Variants in APBB1 observed in about 807,000 individuals in gnomAD.
APBB1 encodes amyloid beta precursor protein binding family B member 1.
A neutral mutation model predicts 78.4 loss-of-function variants in APBB1; 22 were observed. The observed-to-expected ratio is 0.28, with a 90% CI of 0.20 to 0.40. The LOEUF (loss-of-function observed/expected upper bound fraction) is 0.40. APBB1 is among the 10% of genes least tolerant of loss of function. The pLI, the probability that APBB1 is intolerant of heterozygous loss-of-function variation, is 1.00. For synonymous variants in APBB1, 369 were observed against 372.7 expected (o/e 0.99, Z 0.12); for missense variants, 749 against 932.4 (o/e 0.80, Z 2.56).
Position 6,410,795 on chromosome 11 carries a change from T to A in APBB1, c.553A>T (p.Ser185Cys). The A allele has an allele frequency of 6.2e-7, 1 of 1,610,976 alleles. No individual in the cohort carries two copies. Among genetic ancestry groups the A allele is most frequent in the Middle Eastern group, 1.7e-4 (1 of 6,036 alleles). ...TGGGGCCTGGGAGGGGCCTCCACAC[T>A]CTCCAGGGGCTCAGGCAGCCCTGGG... ...SPPGLPEPLESVEAPPRPQAL... is the reference protein window; with the variant it reads ...SPPGLPEPLECVEAPPRPQAL... The change falls in exon 2 of 15, where the codon AGT (serine) becomes TGT (cysteine). Residue 185 changes from serine to cysteine, a missense_variant. Coordinates refer to ENST00000609360, the MANE Select transcript of APBB1 (RefSeq NM_001164.5).
At chr11:6,417,548 A>C (rs565375848) in intron 1 of APBB1, among the ~76,000 whole-genome samples, 1 of 152,352 alleles carries the variant, frequency 6.6e-6, no homozygotes, top group South Asian at 2.1e-4. Flanking sequence ...TTGCATGAAT[A>C]AGTGATTGGA....
rs762422380 is a variant in APBB1 at position 6,410,854 on chromosome 11, T to G, written c.494A>C (p.Asp165Ala). ...TAAGTCCTCCTCCTCCTCTTCATCATCATCATCCTCCTCCTCCTCCTCGGC... is the reference window on the plus strand; with the variant it reads ...TAAGTCCTCCTCCTCCTCTTCATCAGCATCATCCTCCTCCTCCTCCTCGGC... ...GEAEEEEEDD[D>A]DEEEEEDLSS... Residue 165 changes from aspartate (D) to alanine (A), a missense_variant, in exon 2 of 15, where the codon GAT becomes GCT. Physicochemically the swap from Asp to Ala is moderately radical, Grantham distance 126. Transcript: ENST00000609360. 5.0e-6 allele frequency: 8 copies of G among 1,613,838 alleles called. No homozygotes were observed. Among genetic ancestry groups the G allele is most frequent in the Non-Finnish European group, 3.4e-6 (4 of 1,179,938 alleles).
At chr11:6,404,040 G>T in intron 2 of APBB1, 1 of 463,470 alleles carries the variant, frequency 2.2e-6, no homozygotes, top group Non-Finnish European at 3.7e-6. Context: ...GGGCCCTGTT[G>T]GTGGCTAATG....
chr11:6,412,860 C>T (rs778047451), intron 1 of APBB1, among the ~76,000 whole-genome samples: 1 of 152,134 alleles, frequency 6.6e-6, no homozygotes, highest in Non-Finnish European at 1.5e-5. Context: ...AAACAAACTC[C>T]ACCTGCCTCT....
chr11:6,411,863 C>G lies in APBB1; in HGVS notation c.-14-502G>C, dbSNP rs1460879542. ...CATAAATCACTCAGCTCAACCAGCC[C>G]CCAAGCCCACCCCATACTAGGGACT... is the stretch of plus-strand genomic sequence containing the variant. On this transcript the variant is annotated intron_variant, in intron 1 of 14. Coordinates refer to ENST00000609360, the MANE Select transcript of APBB1 (RefSeq NM_001164.5). This position sits in a 1 kb window ranked among gnomAD's most constrained non-coding sequence, Gnocchi z 5.2. Among the ~76,000 whole-genome samples the G allele has an allele frequency of 6.6e-6, 1 of 152,224 alleles. No individual in the cohort carries two copies. Among genetic ancestry groups the G allele is most frequent in the African/African-American group, 2.4e-5 (1 of 41,450 alleles).
chr11:6,413,140 T>C (rs956344797), intron 1 of APBB1, among the ~76,000 whole-genome samples: 1 of 151,762 alleles, frequency 6.6e-6, no homozygotes, highest in African/African-American at 2.4e-5. Context: ...CAGTTATTTC[T>C]CCCTGACCAA....
Position 6,403,028 on chromosome 11 carries a change from G to A in APBB1, c.1104+117C>T, listed in dbSNP as rs544796071. On this transcript the variant is annotated intron_variant, in intron 6 of 14. Coordinates refer to ENST00000609360, the MANE Select transcript of APBB1 (RefSeq NM_001164.5). This position sits in a 1 kb window ranked among gnomAD's most constrained non-coding sequence, Gnocchi z 5.3. ...ACAGGGCTCTGTGCTGAGACTGGAA[G>A]AACTCCTAACTCAGGACCTGGGGAA... is the stretch of plus-strand genomic sequence containing the variant. The A allele has an allele frequency of 1.1e-5, 11 of 1,025,772 alleles. No homozygotes were observed. In the African/African-American group the frequency reaches 1.5e-4, roughly 14 times the overall value. 63.5% of individuals were successfully genotyped at this position (1,025,772 alleles called of 1,614,324 possible). A position where few individuals can be genotyped will look rare whatever the true frequency, so the allele number is the denominator to read the frequency against.
chr11:6,403,235 C>T lies in APBB1; in HGVS notation c.1041-27G>A. 1 of 1,611,398 alleles carries T rather than the reference C, an allele frequency of 6.2e-7. No individual in the cohort carries two copies. The highest frequency in any genetic ancestry group is 1.1e-5 in the South Asian group (1 of 90,594). On this transcript the variant is annotated intron_variant, in intron 5 of 14. Coordinates refer to ENST00000609360, the MANE Select transcript of APBB1 (RefSeq NM_001164.5). The surrounding 1 kb of genome is among the most constrained non-coding windows in gnomAD (Gnocchi z 5.3). ...TGAAGGCAGATGGTAATACTTGGCA[C>T]AGGGCTCCCATAAATGGAGCTGTCC...
chr11:6,397,254 C>T (rs1590757419), intron 12 of APBB1, among the ~76,000 whole-genome samples: 4 of 152,362 alleles, frequency 2.6e-5, no homozygotes, highest in Admixed American at 2.0e-4. Flanking sequence ...GAGCAGACCA[C>T]GTGGACTCTT....
In APBB1 at chr11:6,401,513, C is replaced by A. The variant is rs1225071518; in HGVS notation, c.1503+61G>T. On this transcript the variant is annotated intron_variant, in intron 10 of 14. Coordinates refer to ENST00000609360, the MANE Select transcript of APBB1 (RefSeq NM_001164.5). The surrounding 1 kb of genome is among the most constrained non-coding windows in gnomAD (Gnocchi z 4.5). ...GGGCCCCCCTACAGCACTCAGTGAC[C>A]CCACCCACACCCTTGTAGAGCAAAG... 2 of 1,613,456 alleles carry A rather than the reference C, an allele frequency of 1.2e-6. No homozygotes were observed.
At chr11:6,405,310 G>T in intron 2 of APBB1, 1 of 988,440 alleles carries the variant, frequency 1.0e-6, no homozygotes, top group Non-Finnish European at 1.2e-6. Flanking sequence ...GAACCCAAGG[G>T]TGGGCTTTGA....
intron 7 of APBB1, 58 bp from the exon 8 acceptor site, chr11:6,402,267 T>C: frequency 3.1e-6 from 5 of 1,596,332 alleles, no homozygotes; most frequent in Non-Finnish European, 4.3e-6. Context: ...GGCTGATCTC[T>C]GACCCCTGCA....
At chr11:6,417,827 T>C (rs1254199357) in intron 1 of APBB1, among the ~76,000 whole-genome samples, 1 of 152,254 alleles carries the variant, frequency 6.6e-6, no homozygotes, top group East Asian at 1.9e-4. Context: ...GAGCCATTTT[T>C]GAGATTCGAA....
Position 6,402,738 on chromosome 11 carries a change from G to A in APBB1, c.1105-13C>T. 1 of 1,614,092 alleles carries A rather than the reference G, an allele frequency of 6.2e-7. No individual in the cohort carries two copies. The highest frequency in any genetic ancestry group is 1.1e-5 in the South Asian group (1 of 91,084). On this transcript the variant is annotated splice_polypyrimidine_tract_variant and intron_variant, in intron 6 of 14. Transcript: ENST00000609360. ...GCACGGCGAAACACTGCCAGACACA[G>A]AAGAGGGGCAGGAGGTAGAGGATCT...
chr11:6,417,611 G>A (rs1849152801), intron 1 of APBB1, among the ~76,000 whole-genome samples: 1 of 152,210 alleles, frequency 6.6e-6, no homozygotes, highest in South Asian at 2.1e-4. Flanking sequence ...GTTAAAGGGA[G>A]GTAGGCAAGA....
chr11:6,400,939 G>C, intron 12 of APBB1, 50 bp downstream of exon 12: 1 of 1,550,170 alleles, frequency 6.5e-7, no homozygotes, highest in African/African-American at 1.4e-5. Context: ...GGTAGGGGCA[G>C]AGTTTTAGGA....
chr11:6,403,642 C>A lies in APBB1; in HGVS notation c.897+5G>T. The A allele has an allele frequency of 6.2e-7, 1 of 1,610,240 alleles. No homozygotes were observed. Among genetic ancestry groups the A allele is most frequent in the Non-Finnish European group, 8.5e-7 (1 of 1,177,482 alleles). ...GCCCAAAATCAACAGGCCTGTGAGC[C>A]TCACCTGGGACTCCTCTTGGGGGCT... On this transcript the variant is annotated splice_donor_5th_base_variant and intron_variant, in intron 3 of 14. Coordinates refer to ENST00000609360, the MANE Select transcript of APBB1 (RefSeq NM_001164.5). The surrounding 1 kb of genome is among the most constrained non-coding windows in gnomAD (Gnocchi z 5.3).
At chr11:6,398,273 A>C (rs1041967686) in intron 12 of APBB1, among the ~76,000 whole-genome samples, 1 of 151,688 alleles carries the variant, frequency 6.6e-6, no homozygotes, top group African/African-American at 2.4e-5. Flanking sequence ...TGGTTTACTC[A>C]TTTTATTGTC....
At chr11:6,404,929 C>G (rs547927057) in intron 2 of APBB1, 1 of 1,449,650 alleles carries the variant, frequency 6.9e-7, no homozygotes, top group Non-Finnish European at 9.0e-7. Context: ...CAGGGCAGAG[C>G]GTCTGCCAGG....
Sources: gnomAD v4.1 joint callset for allele counts (sites outside exome capture counted in the v4.1 genomes callset) on GRCh38, gnomAD v4.1.1 for gene constraint, Gnocchi (gnomAD v3.1) non-coding constraint, MANE v1.5 for transcripts, NCBI Gene and HGNC (gene_info 2026-07-23, HGNC 2026-07-21) for gene names.